HAT1: variants seen among roughly 807,000 people sequenced by gnomAD.
The protein encoded by HAT1 is histone acetyltransferase type B catalytic subunit.
In HAT1, 20 loss-of-function variants were observed where a neutral mutation model predicts 56.6. The ratio of observed to expected loss-of-function variants is 0.35; its 90% CI spans 0.25 to 0.51. The LOEUF is 0.51. HAT1 is among the 20% of genes least tolerant of loss of function. HAT1 has a pLI of 0.95. For synonymous variants in HAT1, 146 were observed against 165.5 expected, an observed-to-expected ratio of 0.88 and a Z score of 0.91; for missense variants, 408 against 504.3, an observed-to-expected ratio of 0.81 and a Z score of 1.83.
At chr2:171,966,715 G>T (rs1320066299) in intron 7 of HAT1, 128 bp from the exon 8 acceptor site, 2 of 629,354 alleles carry the variant, frequency 3.2e-6, no homozygotes, top group Admixed American at 3.0e-5. Context: ...TAATTTTTGG[G>T]TATCTCAAAG....
intron 4 of HAT1, among the ~76,000 whole-genome samples, chr2:171,959,099 A>G (rs773661901): frequency 2.0e-5 from 3 of 152,236 alleles, no homozygotes; most frequent in Non-Finnish European, 4.4e-5. Flanking sequence ...TTTGTTTCCC[A>G]GGATAACTTT....
intron 2 of HAT1, among the ~76,000 whole-genome samples, chr2:171,926,912 A>C (rs556703066): frequency 6.6e-6 from 1 of 152,236 alleles, no homozygotes. Context: ...GATATATATC[A>C]GCTGGTAAAT....
At chr2:171,922,534 G>C (rs1276637685) in intron 1 of HAT1, 27 bp downstream of exon 1, 1 of 1,315,572 alleles carries the variant, frequency 7.6e-7, no homozygotes, top group Admixed American at 3.1e-5. Flanking sequence ...AGTTTACCAA[G>C]GGGAGGAGGC....
Position 171,979,665 on chromosome 2 carries a change from A to G in HAT1, c.1092+302A>G, listed in dbSNP as rs555853705. ...TCTACTAAAAATACAAACATTAGCT[A>G]GGCTTGGTGGTGGGCGCCTGTAATA... On this transcript the variant is annotated intron_variant, in intron 10 of 10. Transcript: ENST00000264108. 51 of 211,786 alleles carry G rather than the reference A, an allele frequency of 2.4e-4. No homozygotes were observed. In the South Asian group the frequency reaches 3.6e-3, roughly 15 times the overall value. The allele number at this position is 211,786 out of a possible 1,614,324, so 13.1% of individuals were successfully genotyped here.
intron 9 of HAT1, among the ~76,000 whole-genome samples, chr2:171,977,203 G>A (rs1347211364): frequency 4.0e-5 from 6 of 149,364 alleles, no homozygotes; most frequent in African/African-American, 7.4e-5. Context: ...TAGGCCGGGC[G>A]AGGTGGCTCA....
chr2:171,966,257 T>C lies in HAT1; in HGVS notation c.612-152T>C, dbSNP rs959467085. The C allele has an allele frequency of 2.0e-5, 13 of 651,134 alleles. No individual in the cohort carries two copies. In the South Asian group the frequency reaches 2.0e-4, roughly 10 times the overall value. 40.3% of individuals were successfully genotyped at this position (651,134 alleles called of 1,614,324 possible). On this transcript the variant is annotated intron_variant, in intron 6 of 10. Transcript: ENST00000264108. ...AGTTGCTGCACACCAATTAAGTGAATTGTACATTCAGAACATAGCAGGTGT... is the reference window on the plus strand; with the variant it reads ...AGTTGCTGCACACCAATTAAGTGAACTGTACATTCAGAACATAGCAGGTGT...
intron 4 of HAT1, among the ~76,000 whole-genome samples, chr2:171,963,292 G>C (rs1300544805): frequency 6.6e-6 from 1 of 151,500 alleles, no homozygotes; most frequent in Admixed American, 6.6e-5. Flanking sequence ...TTCTTAATGT[G>C]TAAACTTACA....
intron 9 of HAT1, among the ~76,000 whole-genome samples, chr2:171,977,538 TATATATATATATATATATA>T (rs1688007461): frequency 1.3e-4 from 2 of 15,008 alleles, no homozygotes; most frequent in Non-Finnish European, 2.6e-4. Context: ...TATATATATA[TATATATATATATATATATA>T]TTTTTTTTTT....
intron 3 of HAT1, among the ~76,000 whole-genome samples, chr2:171,949,691 T>G (rs1687256266): frequency 6.6e-6 from 1 of 151,266 alleles, no homozygotes; most frequent in Admixed American, 6.6e-5. Context: ...AAAAAAAAAT[T>G]TTTTTTTAAG....
chr2:171,953,269 C>T (rs1181258952), intron 4 of HAT1, among the ~76,000 whole-genome samples: 1 of 152,020 alleles, frequency 6.6e-6, no homozygotes, highest in Non-Finnish European at 1.5e-5. Flanking sequence ...TGGCTTGAGC[C>T]CAGGAGGCAG....
Position 171,979,350 on chromosome 2 carries a change from T to G in HAT1, c.1079T>G (p.Ile360Ser), listed in dbSNP as rs753709702. 7 of 1,515,532 alleles carry G rather than the reference T, an allele frequency of 4.6e-6. No homozygotes were observed. The Admixed American group carries it at 1.2e-4, about 25-fold the overall frequency. 93.9% of individuals were successfully genotyped at this position (1,515,532 alleles called of 1,614,324 possible). ...AGACTGGATATTAAAAGAAGACTAATTAGCCCATATAAGGTAGGACTTTCA... is the reference window on the plus strand; with the variant it reads ...AGACTGGATATTAAAAGAAGACTAAGTAGCCCATATAAGGTAGGACTTTCA... ...SYRLDIKRRLISPYKKKQRDL... is the reference protein window; with the variant it reads ...SYRLDIKRRLSSPYKKKQRDL... The change falls in exon 10 of 11, where the codon ATT (isoleucine) becomes AGT (serine). Residue 360 changes from isoleucine to serine, a missense_variant. Ile to Ser is a moderately radical substitution (Grantham distance 142, BLOSUM62 -2). Coordinates refer to ENST00000264108, the MANE Select transcript of HAT1 (RefSeq NM_003642.4).
intron 2 of HAT1, among the ~76,000 whole-genome samples, chr2:171,939,577 C>A (rs190263186): frequency 6.6e-6 from 1 of 152,300 alleles, no homozygotes; most frequent in Non-Finnish European, 1.5e-5. Context: ...AGAAAGCTAT[C>A]TCACTTCTGT....
chr2:171,965,187 C>T (rs1687653933), intron 4 of HAT1, 151 bp from the exon 5 acceptor site: 1 of 585,640 alleles, frequency 1.7e-6, no homozygotes, highest in Non-Finnish European at 3.1e-6. Flanking sequence ...GCACAGGAAG[C>T]TCATCCTTTT....
rs201856084 is a variant in HAT1 at position 171,983,104 on chromosome 2, A to T, written c.1093-81A>T. 20 of 799,484 alleles carry T rather than the reference A, an allele frequency of 2.5e-5. No homozygotes were observed. In the East Asian group the frequency reaches 5.2e-4, roughly 21 times the overall value. The allele number at this position is 799,484 out of a possible 1,614,324, so 49.5% of individuals were successfully genotyped here. A position where few individuals can be genotyped will look rare whatever the true frequency, so the allele number is the denominator to read the frequency against. On this transcript the variant is annotated intron_variant, in intron 10 of 10. Coordinates refer to ENST00000264108, the MANE Select transcript of HAT1 (RefSeq NM_003642.4). Reference sequence around the variant, plus strand: ...GCGTATTCATACTATTCTTATTTTTAACATTGGAGACTTAAAATTGTAAGA... The same window carrying T: ...GCGTATTCATACTATTCTTATTTTTTACATTGGAGACTTAAAATTGTAAGA...
intron 2 of HAT1, among the ~76,000 whole-genome samples, chr2:171,935,058 G>GA (rs1372607910): frequency 2.0e-5 from 3 of 151,372 alleles, no homozygotes; most frequent in African/African-American, 7.3e-5. Flanking sequence ...GCCTGGCCTA[G>GA]AGTGGTTTTC....
At chr2:171,977,524 AATAT>A (rs1174016253) in intron 9 of HAT1, among the ~76,000 whole-genome samples, 108 of 36,306 alleles carry the variant, frequency 3.0e-3, no homozygotes, top group African/African-American at 5.7e-3. Flanking sequence ...CAGGCATATG[AATAT>A]ATATATATAT....
intron 10 of HAT1, among the ~76,000 whole-genome samples, chr2:171,981,957 T>C (rs868855267): frequency 2.6e-5 from 4 of 152,156 alleles, no homozygotes; most frequent in Non-Finnish European, 5.9e-5. Context: ...TTAAGAGTTA[T>C]TAAGATTTTA....
At chr2:171,968,558 T>TA (rs968872223) in intron 8 of HAT1, among the ~76,000 whole-genome samples, 1 of 152,210 alleles carries the variant, frequency 6.6e-6, no homozygotes, top group Non-Finnish European at 1.5e-5. Flanking sequence ...TGGTAGCCTT[T>TA]ATTCATTGGT....
rs1558958588 is a variant in HAT1 at position 171,922,754 on chromosome 2, G to A, written c.7+247G>A. On this transcript the variant is annotated intron_variant, in intron 1 of 10. Transcript: ENST00000264108. ...AGCAATCCGGCCCCTACCGAGGGCC[G>A]AAGACGCCAGGGAAAAGCGTCATGA... The A allele has an allele frequency of 7.6e-6, 3 of 395,494 alleles. No homozygotes were observed. In the South Asian group the frequency reaches 4.2e-4, roughly 56 times the overall value. The allele number at this position is 395,494 out of a possible 1,614,324, so 24.5% of individuals were successfully genotyped here. A position where few individuals can be genotyped will look rare whatever the true frequency, so the allele number is the denominator to read the frequency against.
Sources: gnomAD v4.1 joint callset for allele counts (sites outside exome capture counted in the v4.1 genomes callset) on GRCh38, gnomAD v4.1.1 for gene constraint, MANE v1.5 for transcripts, NCBI Gene and HGNC (gene_info 2026-07-23, HGNC 2026-07-21) for gene names.